The following MALRD1 variants were observed in gnomAD, a reference collection of about 807,000 sequenced individuals.
The protein encoded by MALRD1 is MAM and LDL-receptor class A domain-containing protein 1.
A neutral mutation model predicts 242.1 loss-of-function variants in MALRD1; 247 were observed. That is an observed-to-expected ratio of 1.02 (90% CI 0.92 to 1.13). MALRD1 has a LOEUF of 1.13. Ranked by LOEUF, MALRD1 falls within the 50% of genes most tolerant of loss-of-function variation. The pLI, the probability that MALRD1 is intolerant of heterozygous loss-of-function variation, is 0.00. For synonymous variants in MALRD1, 995 were observed against 866.6 expected, an observed-to-expected ratio of 1.15 and a Z score of -2.60; for missense variants, 2,989 against 2,533.1, an observed-to-expected ratio of 1.18 and a Z score of -3.86.
At chr10:19,689,674 T>G (rs1156302478) in intron 36 of MALRD1, among the ~76,000 whole-genome samples, 1 of 152,206 alleles carries the variant, frequency 6.6e-6, no homozygotes, top group South Asian at 2.1e-4. Context: ...AATTTTATTT[T>G]GGTTTTGCTT....
chr10:19,718,226 A>ACAG lies in MALRD1; in HGVS notation c.6315-12462_6315-12460dup, dbSNP rs34342587. Among the ~76,000 whole-genome samples, 130 of 148,552 alleles carry ACAG rather than the reference A, an allele frequency of 8.8e-4. 1 individual carries two copies. Among genetic ancestry groups the ACAG allele is most frequent in the Non-Finnish European group, 1.3e-3 (87 of 65,672 alleles). ...AGAGGAAGAAGAAGAAGAAGAAGCA[A>ACAG]CAGCAGCAGCAGCAGCAGCAATACC... On this transcript the variant is annotated intron_variant, in intron 38 of 39. Transcript: ENST00000454679.
intron 29 of MALRD1, among the ~76,000 whole-genome samples, chr10:19,489,747 T>C (rs1272853332): frequency 1.3e-5 from 2 of 152,174 alleles, no homozygotes; most frequent in African/African-American, 2.4e-5. Flanking sequence ...CAATATGGAG[T>C]CACAATCTTG....
At chr10:19,559,106 C>G (rs1835850361) in intron 32 of MALRD1, among the ~76,000 whole-genome samples, 1 of 151,898 alleles carries the variant, frequency 6.6e-6, no homozygotes, top group Non-Finnish European at 1.5e-5. Context: ...TCGCTTGAAC[C>G]TGGGAGGCAA....
intron 14 of MALRD1, among the ~76,000 whole-genome samples, chr10:19,191,550 T>G (rs569563188): frequency 6.6e-6 from 1 of 152,230 alleles, no homozygotes; most frequent in South Asian, 2.1e-4. Context: ...CTCATGTTCA[T>G]AGAAGCATTA....
chr10:19,546,428 A>G (rs1835209828), intron 32 of MALRD1, among the ~76,000 whole-genome samples: 1 of 152,178 alleles, frequency 6.6e-6, no homozygotes, highest in Non-Finnish European at 1.5e-5. Flanking sequence ...AAACTCTTGG[A>G]AACTCCTGTG....
At chr10:19,650,308 A>G (rs1329415122) in intron 36 of MALRD1, among the ~76,000 whole-genome samples, 1 of 152,356 alleles carries the variant, frequency 6.6e-6, no homozygotes, top group East Asian at 1.9e-4. Flanking sequence ...ACAACTTCAG[A>G]TAGACAAAAA....
In MALRD1 at chr10:19,595,300, C is replaced by A. The variant is rs993852070; in HGVS notation, c.5787C>A (p.Cys1929Ter). 7 of 1,550,712 alleles carry A rather than the reference C, an allele frequency of 4.5e-6. No homozygotes were observed. The highest frequency in any genetic ancestry group is 1.4e-5 in the African/African-American group (1 of 73,018). ...LSGKCDGHED[C>*]IDGSDEMDCP... Reference sequence around the variant, plus strand: ...GGAAATGTGATGGACATGAAGACTGCATAGATGGATCTGATGAAATGGATT... The same window carrying A: ...GGAAATGTGATGGACATGAAGACTGAATAGATGGATCTGATGAAATGGATT... The change falls in exon 34 of 40, where the codon TGC becomes TGA. Residue 1929 changes from cysteine to a stop codon, truncating the protein, a stop_gained. Transcript: ENST00000454679. LOFTEE classifies it high-confidence loss of function.
chr10:19,109,949 T>C (rs372385282), intron 5 of MALRD1, among the ~76,000 whole-genome samples: 36 of 152,322 alleles, frequency 2.4e-4, no homozygotes, highest in African/African-American at 8.4e-4. Context: ...GGGGGCCTCC[T>C]GCTTACCTTT....
intron 31 of MALRD1, among the ~76,000 whole-genome samples, chr10:19,519,101 A>T (rs1418814004): frequency 2.0e-5 from 3 of 152,094 alleles, no homozygotes; most frequent in African/African-American, 7.2e-5. Context: ...ACCATTACTT[A>T]AAAAAATGTA....
intron 18 of MALRD1, among the ~76,000 whole-genome samples, chr10:19,238,932 G>A (rs974843444): frequency 6.6e-6 from 1 of 151,624 alleles, no homozygotes. Context: ...GGGTGAACTG[G>A]TATCTTATTG....
At chr10:19,426,983 C>CA (rs1833927557) in intron 28 of MALRD1, among the ~76,000 whole-genome samples, 1 of 151,970 alleles carries the variant, frequency 6.6e-6, no homozygotes, top group Non-Finnish European at 1.5e-5. Context: ...GTTTCTTTTC[C>CA]GTAATGACTG....
intron 36 of MALRD1, among the ~76,000 whole-genome samples, chr10:19,673,319 A>G (rs1842004877): frequency 6.6e-6 from 1 of 152,246 alleles, no homozygotes; most frequent in East Asian, 1.9e-4. Flanking sequence ...CCCGGGAGGT[A>G]GAGCTTGCAG....
intron 31 of MALRD1, among the ~76,000 whole-genome samples, chr10:19,529,222 G>C (rs772192764): frequency 1.3e-5 from 2 of 152,118 alleles, no homozygotes; most frequent in Non-Finnish European, 2.9e-5. Flanking sequence ...TATTTTACCA[G>C]AACCTAACCA....
In MALRD1 at chr10:19,133,948, G is replaced by A. The variant is rs1322566074; in HGVS notation, c.1203G>A (p.Lys401=). ...VLIPEDLKTF[K]IIFEGTLLSQ... ...TACCAGAAGATCTGAAGACATTTAAGGTATGAAAGAAAAAAAAAAAGTATT... is the reference window on the plus strand; with the variant it reads ...TACCAGAAGATCTGAAGACATTTAAAGTATGAAAGAAAAAAAAAAAGTATT... The change falls in exon 9 of 40, where the codon AAG becomes AAA. Residue 401 remains lysine, a splice_region_variant and synonymous_variant. Coordinates refer to ENST00000454679, the MANE Select transcript of MALRD1 (RefSeq NM_001142308.3). 5.7e-6 allele frequency: 7 copies of A among 1,221,516 alleles called. No individual in the cohort carries two copies. The highest frequency in any genetic ancestry group is 1.6e-5 in the African/African-American group (1 of 63,944). 75.7% of individuals were successfully genotyped at this position (1,221,516 alleles called of 1,614,324 possible). A position where few individuals can be genotyped will look rare whatever the true frequency, so the allele number is the denominator to read the frequency against.
At chr10:19,433,282 G>A (rs148803427) in intron 28 of MALRD1, among the ~76,000 whole-genome samples, 14 of 152,052 alleles carry the variant, frequency 9.2e-5, no homozygotes, top group South Asian at 8.3e-4. Context: ...ACGTGATTCC[G>A]CTGAAATGTG....
Position 19,471,147 on chromosome 10 carries a change from G to A in MALRD1, c.5030-20370G>A, listed in dbSNP as rs575316928. Among the ~76,000 whole-genome samples, 5 of 151,874 alleles carry A rather than the reference G, an allele frequency of 3.3e-5. No homozygotes were observed. In the South Asian group the frequency reaches 1.0e-3, roughly 32 times the overall value. On this transcript the variant is annotated intron_variant, in intron 29 of 39. Transcript: ENST00000454679. ...AATGTTCAGTTGCATTCTTGTGCAT[G>A]TGGGTATTCAGTTTTCCCAGTACCA... is the stretch of plus-strand genomic sequence containing the variant.
chr10:19,712,817 A>AT, intron 38 of MALRD1, among the ~76,000 whole-genome samples: 1 of 152,300 alleles, frequency 6.6e-6, no homozygotes, highest in African/African-American at 2.4e-5. Context: ...AGAAAAGACT[A>AT]TTTTTAGAAG....
chr10:19,081,434 A>G (rs561892728), intron 2 of MALRD1, among the ~76,000 whole-genome samples: 1 of 152,262 alleles, frequency 6.6e-6, no homozygotes, highest in South Asian at 2.1e-4. Context: ...TTATGCAGCC[A>G]TAAAAAGGAA....
At chr10:19,346,984 G>C (rs1049088793) in intron 24 of MALRD1, among the ~76,000 whole-genome samples, 3 of 152,004 alleles carry the variant, frequency 2.0e-5, no homozygotes, top group African/African-American at 7.2e-5. Flanking sequence ...CATGAATATT[G>C]ACTTAAAAAT....
Sources: allele counts gnomAD v4.1 joint callset (sites outside exome capture counted in the v4.1 genomes callset), GRCh38; gene constraint gnomAD v4.1.1; transcripts MANE v1.5; gene names NCBI Gene and HGNC (gene_info 2026-07-23, HGNC 2026-07-21).